Variants in SF3B1 observed in about 807,000 individuals in gnomAD.
The protein encoded by SF3B1 is pre-mRNA processing 10.
In SF3B1, 12 loss-of-function variants were observed where a neutral mutation model predicts 153.8. The observed-to-expected ratio is 0.08, with a 90% CI of 0.05 to 0.13. The LOEUF (loss-of-function observed/expected upper bound fraction) is 0.13, where lower values mean the gene tolerates loss of function less well. Among genes scored for constraint, SF3B1 ranks in the 10% least tolerant of loss-of-function variants. The pLI is 1.00. For missense variants in SF3B1, 513 were observed against 1,606.1 expected, an observed-to-expected ratio of 0.32 and a Z score of 11.63; for synonymous variants, 498 against 525.2, an observed-to-expected ratio of 0.95 and a Z score of 0.71.
chr2:197,423,312 G>A (rs1011562883), intron 2 of SF3B1, among the ~76,000 whole-genome samples: 5 of 151,772 alleles, frequency 3.3e-5, no homozygotes, highest in East Asian at 1.9e-4. Flanking sequence ...ACTTGAAACC[G>A]GGAGGCGGAG....
At chr2:197,430,885 T>G (rs1206697895) in intron 1 of SF3B1, among the ~76,000 whole-genome samples, 1 of 152,030 alleles carries the variant, frequency 6.6e-6, no homozygotes, top group Non-Finnish European at 1.5e-5. Context: ...TCTGTATGTT[T>G]GCAGTCTCAA....
chr2:197,402,455 G>A lies in SF3B1; in HGVS notation c.2077+101C>T, dbSNP rs2084945604. On this transcript the variant is annotated intron_variant, in intron 14 of 24. Transcript: ENST00000335508. This position sits in a 1 kb window ranked among gnomAD's most constrained non-coding sequence, Gnocchi z 4.6. ...CAACTACTAAGGAGGCTGAGCAGGA[G>A]GATCACTTGAGCCCAAAGGTTTGAG... is the stretch of plus-strand genomic sequence containing the variant. The A allele has an allele frequency of 9.9e-7, 1 of 1,014,844 alleles. No individual in the cohort carries two copies. The highest frequency in any genetic ancestry group is 3.2e-4 in the Middle Eastern group (1 of 3,090). 62.9% of individuals were successfully genotyped at this position (1,014,844 alleles called of 1,614,324 possible).
Position 197,403,890 on chromosome 2 carries a change from TAGAC to T in SF3B1, c.1540-130_1540-127del, listed in dbSNP as rs1457293595. ...TGTTTACTTTTACACACATTTTACA[TAGAC>T]AGCATGAGTTCATTTCCATCCAAAT... On this transcript the variant is annotated intron_variant, in intron 11 of 24. Coordinates refer to ENST00000335508, the MANE Select transcript of SF3B1 (RefSeq NM_012433.4). 26 of 654,442 alleles carry T rather than the reference TAGAC, an allele frequency of 4.0e-5. 1 individual carries two copies. Among genetic ancestry groups the T allele is most frequent in the South Asian group, 2.2e-4 (10 of 46,124 alleles). The allele number at this position is 654,442 out of a possible 1,614,324, so 40.5% of individuals were successfully genotyped here.
intron 6 of SF3B1, among the ~76,000 whole-genome samples, chr2:197,414,130 A>G (rs2085112602): frequency 6.6e-6 from 1 of 152,172 alleles, no homozygotes; most frequent in South Asian, 2.1e-4. Flanking sequence ...CTTGAGCCAA[A>G]CAGACACAGG....
In SF3B1 at chr2:197,402,401, T is replaced by C. The variant is rs113023355; in HGVS notation, c.2077+155A>G. The C allele has an allele frequency of 3.0e-3, 2,166 of 720,084 alleles. 36 individuals carry two copies. In the African/African-American group the frequency reaches 0.035, roughly 11 times the overall value. 44.6% of individuals were successfully genotyped at this position (720,084 alleles called of 1,614,324 possible). The stretch of plus-strand genomic sequence containing the variant: ...TTTAGGACAGCTGTCCTATTAAACA[T>C]GGACAGGCTGTGTGTGTACCTCTAG... On this transcript the variant is annotated intron_variant, in intron 14 of 24. Coordinates refer to ENST00000335508, the MANE Select transcript of SF3B1 (RefSeq NM_012433.4). The surrounding 1 kb of genome is among the most constrained non-coding windows in gnomAD (Gnocchi z 4.6).
At chr2:197,418,384 CAGTTAATT>C in intron 5 of SF3B1, 117 bp downstream of exon 5, 1 of 617,536 alleles carries the variant, frequency 1.6e-6, no homozygotes, top group East Asian at 3.1e-5. Flanking sequence ...GATTCTTTCT[CAGTTAATT>C]TTTATTAATA....
Position 197,409,140 on chromosome 2 carries a change from C to G in SF3B1, c.905-559G>C, listed in dbSNP as rs561036937. Among the ~76,000 whole-genome samples, 3 of 152,232 alleles carry G rather than the reference C, an allele frequency of 2.0e-5. No individual in the cohort carries two copies. The South Asian group carries it at 6.2e-4, about 32-fold the overall frequency. On this transcript the variant is annotated intron_variant, in intron 7 of 24. Coordinates refer to ENST00000335508, the MANE Select transcript of SF3B1 (RefSeq NM_012433.4). ...AGGGGCCGGAAGCGGTGGCTCATGC[C>G]TGTAATCCCAGCATTTCAGAAGGCC... is the stretch of plus-strand genomic sequence containing the variant.
chr2:197,432,286 T>C (rs1305123011), intron 1 of SF3B1, among the ~76,000 whole-genome samples: 1 of 152,236 alleles, frequency 6.6e-6, no homozygotes, highest in African/African-American at 2.4e-5. Context: ...AACAAGCTGA[T>C]ATGTAGGATT....
chr2:197,405,256 T>C lies in SF3B1; in HGVS notation c.1437+19A>G, dbSNP rs1239664004. The C allele has an allele frequency of 2.5e-6, 4 of 1,598,732 alleles. No individual in the cohort carries two copies. In the Admixed American group the frequency reaches 5.0e-5, roughly 20 times the overall value. On this transcript the variant is annotated intron_variant, in intron 10 of 24. Coordinates refer to ENST00000335508, the MANE Select transcript of SF3B1 (RefSeq NM_012433.4). ...TTCTGGAACACAATTAATAGTTTAT[T>C]TCTGCTAGTATCACTTACCAATAGT...
chr2:197,419,320 G>C (rs2085204628), intron 4 of SF3B1: 2 of 266,038 alleles, frequency 7.5e-6, no homozygotes, highest in Non-Finnish European at 1.4e-5. Flanking sequence ...TCAGTCTCTT[G>C]GTTAAAGTTT....
intron 5 of SF3B1, 141 bp from the exon 6 acceptor site, chr2:197,417,052 C>T (rs699319): frequency 5.2e-6 from 4 of 765,192 alleles, no homozygotes; most frequent in African/African-American, 1.8e-5. Context: ...TTTCTACGCT[C>T]GCTGGTTCCA....
At chr2:197,392,540 T>G in intron 24 of SF3B1, 79 bp from the exon 25 acceptor site, 1 of 298,686 alleles carries the variant, frequency 3.3e-6, no homozygotes, top group Non-Finnish European at 5.8e-6. Flanking sequence ...AACATAAAGA[T>G]ATGATTCAAA....
chr2:197,421,073 C>T lies in SF3B1; in HGVS notation c.256G>A (p.Ala86Thr). The change falls in exon 3 of 25, where the codon GCC becomes ACC. Residue 86 changes from alanine to threonine, a missense_variant. This residue lies in a region of SF3B1 where 56 missense variants were observed against 75.6 expected (regional missense o/e 0.74). Transcript: ENST00000335508. ...ATATCATTAAGCAATGCCACAGGGG[C>T]ATGATATCCTGGCTTCTTCTGACCA... ...LLGQKKPGYH[A>T]PVALLNDIPQ... 1 of 1,613,208 alleles carries T rather than the reference C, an allele frequency of 6.2e-7. No homozygotes were observed. The highest frequency in any genetic ancestry group is 8.5e-7 in the Non-Finnish European group (1 of 1,179,528).
intron 1 of SF3B1, among the ~76,000 whole-genome samples, chr2:197,429,413 C>T (rs1038207380): frequency 4.6e-5 from 7 of 152,144 alleles, no homozygotes; most frequent in African/African-American, 1.2e-4. Flanking sequence ...TGAAGTACAT[C>T]GAGCTGTTTG....
intron 6 of SF3B1, among the ~76,000 whole-genome samples, chr2:197,413,024 C>T (rs912236414): frequency 6.9e-6 from 1 of 145,390 alleles, no homozygotes; most frequent in Non-Finnish European, 1.5e-5. Flanking sequence ...TAGTTATGTG[C>T]ATACAGTTAA....
rs2105986299 is a variant in SF3B1, at chr2:197,402,508, T to C, written c.2077+48A>G. ...CAGTCTGGGCAACATAGTAAGACCC[T>C]GTCTCCTAAAGAAAAAAAAAAAAAG... On this transcript the variant is annotated intron_variant, in intron 14 of 24. Coordinates refer to ENST00000335508, the MANE Select transcript of SF3B1 (RefSeq NM_012433.4). This position sits in a 1 kb window ranked among gnomAD's most constrained non-coding sequence, Gnocchi z 4.6. 8 of 1,544,850 alleles carry C rather than the reference T, an allele frequency of 5.2e-6. No individual in the cohort carries two copies. The highest frequency in any genetic ancestry group is 7.1e-6 in the Non-Finnish European group (8 of 1,132,592).
chr2:197,399,045 A>G, intron 20 of SF3B1: 1 of 1,300,958 alleles, frequency 7.7e-7, no homozygotes, highest in African/African-American at 1.5e-5. Context: ...ACACCTACGA[A>G]GAGAGAAAAA....
intron 9 of SF3B1, among the ~76,000 whole-genome samples, chr2:197,406,074 AAAG>A: frequency 6.6e-6 from 1 of 151,092 alleles, no homozygotes; most frequent in Non-Finnish European, 1.5e-5. Flanking sequence ...TGAAAATCAC[AAAG>A]AAATTTTTTT....
At chr2:197,414,482 G>C (rs1574541132) in intron 6 of SF3B1, among the ~76,000 whole-genome samples, 1 of 152,256 alleles carries the variant, frequency 6.6e-6, no homozygotes, top group South Asian at 2.1e-4. Flanking sequence ...AGATTTTGAG[G>C]GGAAGCAAGA....
Sources: gnomAD v4.1 joint callset for allele counts (sites outside exome capture counted in the v4.1 genomes callset) on GRCh38, gnomAD v4.1.1 for gene constraint, gnomAD v4.1.1 regional missense constraint, Gnocchi (gnomAD v3.1) non-coding constraint, MANE v1.5 for transcripts, NCBI Gene and HGNC (gene_info 2026-07-23, HGNC 2026-07-21) for gene names.